PRUNE2: variants seen among roughly 807,000 people sequenced by gnomAD.
The protein encoded by PRUNE2 is prune homolog 2 with BCH domain.
In PRUNE2, 164 loss-of-function variants were observed where a neutral mutation model predicts 252.0. The observed-to-expected ratio is 0.65, with a 90% CI of 0.57 to 0.74. The LOEUF is 0.74. Among genes scored for constraint, PRUNE2 ranks in the 30% least tolerant of loss-of-function variants. The pLI, the probability that PRUNE2 is intolerant of heterozygous loss-of-function variation, is 0.00. For synonymous variants in PRUNE2, 1,292 were observed against 1,350.2 expected, an observed-to-expected ratio of 0.96 and a Z score of 0.94; for missense variants, 3,495 against 3,711.0, an observed-to-expected ratio of 0.94 and a Z score of 1.51.
chr9:76,649,612 T>TA (rs1554795862), intron 11 of PRUNE2, among the ~76,000 whole-genome samples: 69 of 149,976 alleles, frequency 4.6e-4, no homozygotes, highest in African/African-American at 1.2e-3. Context: ...GATAGATAGA[T>TA]GATAGATAGA....
At chr9:76,670,480 C>T (rs1389306474) in intron 9 of PRUNE2, among the ~76,000 whole-genome samples, 2 of 151,386 alleles carry the variant, frequency 1.3e-5, no homozygotes, top group Non-Finnish European at 3.0e-5. Context: ...GGGGGAGGGG[C>T]GCCCACCATT....
chr9:76,724,013 T>C (rs2047877452), intron 6 of PRUNE2, among the ~76,000 whole-genome samples: 2 of 150,882 alleles, frequency 1.3e-5, no homozygotes, highest in South Asian at 4.2e-4. Context: ...TTCACCATGG[T>C]CTCGATCTCC....
In PRUNE2 at chr9:76,706,466, T is replaced by C. The variant is rs774968567; in HGVS notation, c.5808A>G (p.Ser1936=). The change falls in exon 8 of 19, where the codon TCA becomes TCG. Residue 1936 remains serine, a synonymous_variant. Coordinates refer to ENST00000376718, the MANE Select transcript of PRUNE2 (RefSeq NM_015225.3). ...CAGCAGACACAAAGGTTTGCTCTCT[T>C]GAGTCCTTTTCTTTAATTTGGTCTA... The part of the protein sequence containing the change: ...VKLDQIKEKD[S]REQTFVSAAG... 3 of 1,613,936 alleles carry C rather than the reference T, an allele frequency of 1.9e-6. No individual in the cohort carries two copies. The highest frequency in any genetic ancestry group is 2.2e-5 in the East Asian group (1 of 44,878).
chr9:76,835,485 C>T (rs2058908444), intron 4 of PRUNE2, among the ~76,000 whole-genome samples: 1 of 152,108 alleles, frequency 6.6e-6, no homozygotes, highest in South Asian at 2.1e-4. Flanking sequence ...TAACTGCCTA[C>T]TATTTTCATA....
chr9:76,689,341 T>G (rs1337743644), intron 9 of PRUNE2, among the ~76,000 whole-genome samples: 1 of 152,150 alleles, frequency 6.6e-6, no homozygotes, highest in African/African-American at 2.4e-5. Context: ...ATGAAAAATG[T>G]TAACGCATGG....
intron 1 of PRUNE2, among the ~76,000 whole-genome samples, chr9:76,874,985 C>G (rs999746171): frequency 5.3e-5 from 8 of 152,132 alleles, no homozygotes; most frequent in African/African-American, 1.9e-4. Context: ...CTGCTATAAT[C>G]TGCCTCCAAA....
intron 1 of PRUNE2, among the ~76,000 whole-genome samples, chr9:76,864,629 T>A (rs2060735828): frequency 6.6e-6 from 1 of 152,160 alleles, no homozygotes; most frequent in South Asian, 2.1e-4. Flanking sequence ...GTTGTACCAT[T>A]TTGCCATTAA....
intron 6 of PRUNE2, among the ~76,000 whole-genome samples, chr9:76,734,761 C>G (rs2048928460): frequency 6.6e-6 from 1 of 152,164 alleles, no homozygotes; most frequent in Non-Finnish European, 1.5e-5. Flanking sequence ...GTGACCCAGG[C>G]CTAGCCATAC....
intron 9 of PRUNE2, among the ~76,000 whole-genome samples, chr9:76,696,846 A>G (rs2045437933): frequency 6.6e-6 from 1 of 151,856 alleles, no homozygotes; most frequent in Non-Finnish European, 1.5e-5. Context: ...GGCCTTTTCT[A>G]CCTGAAATAG....
chr9:76,881,438 T>A (rs530925153), intron 1 of PRUNE2, among the ~76,000 whole-genome samples: 18 of 152,298 alleles, frequency 1.2e-4, no homozygotes, highest in Non-Finnish European at 2.1e-4. Context: ...AACATAAAAT[T>A]AACCATTTTA....
chr9:76,707,194 C>T lies in PRUNE2; in HGVS notation c.5080G>A (p.Gly1694Ser), dbSNP rs200627554. Residue 1694 changes from glycine to serine, a missense_variant, in exon 8 of 19, where the codon GGT (glycine) becomes AGT (serine). Transcript: ENST00000376718. ...ATCTCTTCCTCTATTGACTCTTCAC[C>T]ACCGACACTGTCATCATCAGAACCT... ...SSGSDDDSVG[G>S]EESIEEEIQV... 1 of 1,613,856 alleles carries T rather than the reference C, an allele frequency of 6.2e-7. No individual in the cohort carries two copies. Among genetic ancestry groups the T allele is most frequent in the South Asian group, 1.1e-5 (1 of 91,080 alleles).
chr9:76,874,964 C>T (rs2061399035), intron 1 of PRUNE2, among the ~76,000 whole-genome samples: 1 of 152,114 alleles, frequency 6.6e-6, no homozygotes, highest in Admixed American at 6.5e-5. Context: ...ATTTTCTTGT[C>T]AATGATCTTT....
intron 11 of PRUNE2, among the ~76,000 whole-genome samples, chr9:76,651,793 C>G (rs1384274498): frequency 6.6e-6 from 1 of 152,202 alleles, no homozygotes; most frequent in East Asian, 1.9e-4. Context: ...TTCCTTCCCA[C>G]TTTATTGGAG....
In PRUNE2 at chr9:76,637,454, C is replaced by T; in HGVS notation, c.8927G>A (p.Gly2976Asp). The T allele has an allele frequency of 6.2e-7, 1 of 1,613,672 alleles. No individual in the cohort carries two copies. ...ATPRRRMPGL[G>D]WMKKCYQMID... ...CATCTGGTAGCATTTCTTCATCCAG[C>T]CTAGCCCTGGCATCCTCCTTCTTGG... Residue 2976 changes from glycine (G) to aspartate (D), a missense_variant, in exon 14 of 19, where the codon GGC becomes GAC. Gly to Asp is a moderately conservative substitution (Grantham distance 94). Coordinates refer to ENST00000376718, the MANE Select transcript of PRUNE2 (RefSeq NM_015225.3).
intron 2 of PRUNE2, among the ~76,000 whole-genome samples, chr9:76,853,558 A>G (rs1273223788): frequency 1.3e-5 from 2 of 152,194 alleles, no homozygotes; most frequent in Non-Finnish European, 2.9e-5. Flanking sequence ...GGAGATGATC[A>G]CTAACTAAGG....
chr9:76,668,124 T>C lies in PRUNE2; in HGVS notation c.8277-12622A>G, dbSNP rs549489531. On this transcript the variant is annotated intron_variant, in intron 9 of 18. Transcript: ENST00000376718. The stretch of plus-strand genomic sequence containing the variant: ...GGAATATAAATTGAGGTACAGTTTT[T>C]GGTTGTAGTCATCAAAATTTTAAAT... Among the ~76,000 whole-genome samples the C allele has an allele frequency of 9.3e-4, 142 of 152,366 alleles. 1 individual carries two copies. Among genetic ancestry groups the C allele is most frequent in the Non-Finnish European group, 1.6e-3 (108 of 68,038 alleles).
chr9:76,826,742 A>G lies in PRUNE2; in HGVS notation c.509-10T>C. 1 of 1,583,988 alleles carries G rather than the reference A, an allele frequency of 6.3e-7. No individual in the cohort carries two copies. On this transcript the variant is annotated splice_polypyrimidine_tract_variant and intron_variant, in intron 4 of 18. Coordinates refer to ENST00000376718, the MANE Select transcript of PRUNE2 (RefSeq NM_015225.3). ...TTGAAAAGAATGCTACCTGAAAGGT[A>G]TGAATAAAAATGCTCTTAAAGCTTT...
chr9:76,735,661 G>C (rs2049012871), intron 6 of PRUNE2, among the ~76,000 whole-genome samples: 1 of 152,036 alleles, frequency 6.6e-6, no homozygotes, highest in Non-Finnish European at 1.5e-5. Flanking sequence ...CATATGCAAA[G>C]AATCAAAACT....
chr9:76,630,691 A>AT (rs1837218509), intron 15 of PRUNE2, among the ~76,000 whole-genome samples: 1 of 151,906 alleles, frequency 6.6e-6, no homozygotes, highest in African/African-American at 2.4e-5. Context: ...TGCCTGGCTA[A>AT]TTTTTTGTAT....
Sources: gnomAD v4.1 joint callset for allele counts (sites outside exome capture counted in the v4.1 genomes callset) on GRCh38, gnomAD v4.1.1 for gene constraint, MANE v1.5 for transcripts, NCBI Gene and HGNC (gene_info 2026-07-23, HGNC 2026-07-21) for gene names.